Variants in BAIAP2 observed in about 807,000 individuals in gnomAD.
BAIAP2 encodes the protein BAR/IMD domain-containing adapter protein 2.
In BAIAP2, 18 loss-of-function variants were observed where a neutral mutation model predicts 63.0. The observed-to-expected ratio is 0.29, with a 90% CI of 0.20 to 0.42. The LOEUF is 0.42. Among genes scored for constraint, BAIAP2 ranks in the 10% least tolerant of loss-of-function variants. BAIAP2 has a pLI of 1.00. For missense variants in BAIAP2, 610 were observed against 734.3 expected (o/e 0.83, Z 1.96); for synonymous variants, 386 against 307.6 (o/e 1.25, Z -2.67).
chr17:81,098,423 T>G (rs1221659362), intron 6 of BAIAP2, among the ~76,000 whole-genome samples: 3 of 151,906 alleles, frequency 2.0e-5, no homozygotes, highest in Non-Finnish European at 4.4e-5. Flanking sequence ...TTTTAAAGTT[T>G]TTTTTTTTTA....
chr17:81,091,049 C>A (rs1052856504), intron 6 of BAIAP2, among the ~76,000 whole-genome samples: 1 of 96,136 alleles, frequency 1.0e-5, no homozygotes, highest in Admixed American at 1.4e-4. Context: ...TTCCACCCCG[C>A]CCCCACTTGT....
chr17:81,067,710 T>TGC (rs1568106786), intron 3 of BAIAP2, among the ~76,000 whole-genome samples: 1 of 152,220 alleles, frequency 6.6e-6, no homozygotes, highest in Non-Finnish European at 1.5e-5. Flanking sequence ...GCGTTGCTGC[T>TGC]GCTCCCTTTG....
At chr17:81,048,085 G>C (rs549698132) in intron 1 of BAIAP2, among the ~76,000 whole-genome samples, 1 of 152,234 alleles carries the variant, frequency 6.6e-6, no homozygotes, top group South Asian at 2.1e-4. Context: ...GGAGAGCCAA[G>C]GGATAAACAG....
rs573725200 is a variant in BAIAP2 at position 81,035,254 on chromosome 17, C to G, written c.-1C>G. On this transcript the variant is annotated 5_prime_UTR_variant, in exon 1 of 14. Coordinates refer to ENST00000428708, the MANE Select transcript of BAIAP2 (RefSeq NM_001144888.2). ...CTGTGGTGCAGCCGGGACCCAGGAC[C>G]ATGTCTCTGTCTCGCTCAGAGGAGA... 66 of 1,521,942 alleles carry G rather than the reference C, an allele frequency of 4.3e-5. No homozygotes were observed. The highest frequency in any genetic ancestry group is 1.8e-4 in the Middle Eastern group (1 of 5,704). The allele number at this position is 1,521,942 out of a possible 1,614,324, so 94.3% of individuals were successfully genotyped here.
intron 6 of BAIAP2, among the ~76,000 whole-genome samples, chr17:81,090,756 C>T (rs1050380690): frequency 3.4e-5 from 5 of 149,058 alleles, no homozygotes; most frequent in East Asian, 4.0e-4. Context: ...GGGGAGGCTG[C>T]GGCCACCATC....
intron 3 of BAIAP2, among the ~76,000 whole-genome samples, chr17:81,080,414 C>T (rs1281358606): frequency 6.6e-6 from 1 of 152,258 alleles, no homozygotes; most frequent in Non-Finnish European, 1.5e-5. Context: ...TGCAGCTTTG[C>T]CTGGACCTCC....
At chr17:81,067,951 G>C (rs911505716) in intron 3 of BAIAP2, among the ~76,000 whole-genome samples, 2 of 152,230 alleles carry the variant, frequency 1.3e-5, no homozygotes, top group African/African-American at 4.8e-5. Flanking sequence ...GCCAGGAGCT[G>C]CTGAGGTGCT....
chr17:81,067,024 G>A (rs192619622), intron 3 of BAIAP2, among the ~76,000 whole-genome samples: 107 of 152,342 alleles, frequency 7.0e-4, no homozygotes, highest in Admixed American at 6.7e-3. Context: ...GGCCTGACAC[G>A]GAGGTCCCTG....
chr17:81,072,005 C>T (rs2052764455), intron 3 of BAIAP2, among the ~76,000 whole-genome samples: 1 of 152,252 alleles, frequency 6.6e-6, no homozygotes, highest in Non-Finnish European at 1.5e-5. Flanking sequence ...CTTCCGGCCT[C>T]CCCGGCCTTC....
At chr17:81,035,854 C>G (rs1333870480) in intron 1 of BAIAP2, 1 of 152,108 alleles carries the variant, frequency 6.6e-6, no homozygotes, top group Admixed American at 6.5e-5. Context: ...AACAGGCTTT[C>G]CCTTCCCACA....
Position 81,046,974 on chromosome 17 carries a change from C to G in BAIAP2, c.55-6694C>G, listed in dbSNP as rs2047907326. ...TGCCACCGGCTTCTGCCTGTCGCGACAGAGGTGGAAGTGAGGGCGGTGGTC... is the reference window on the plus strand; with the variant it reads ...TGCCACCGGCTTCTGCCTGTCGCGAGAGAGGTGGAAGTGAGGGCGGTGGTC... On this transcript the variant is annotated intron_variant, in intron 1 of 13. Coordinates refer to ENST00000428708, the MANE Select transcript of BAIAP2 (RefSeq NM_001144888.2). The surrounding 1 kb of genome is among the most constrained non-coding windows in gnomAD (Gnocchi z 4.5). Among the ~76,000 whole-genome samples the G allele has an allele frequency of 6.6e-6, 1 of 152,204 alleles. No homozygotes were observed. Among genetic ancestry groups the G allele is most frequent in the Non-Finnish European group, 1.5e-5 (1 of 68,036 alleles).
chr17:81,035,653 C>T (rs930997885), intron 1 of BAIAP2, among the ~76,000 whole-genome samples: 1 of 151,436 alleles, frequency 6.6e-6, no homozygotes, highest in African/African-American at 2.4e-5. Flanking sequence ...GAGCCGCGCG[C>T]CGGGCCCCGG....
chr17:81,111,259 C>A (rs180671224), intron 13 of BAIAP2, among the ~76,000 whole-genome samples: 13 of 152,266 alleles, frequency 8.5e-5, no homozygotes, highest in Non-Finnish European at 2.9e-5. Context: ...TCCTGCCCTG[C>A]TGGGCGCTTC....
chr17:81,085,864 T>C (rs1043594012), intron 5 of BAIAP2, 139 bp downstream of exon 5: 11 of 677,786 alleles, frequency 1.6e-5, no homozygotes, highest in Admixed American at 2.6e-5. Flanking sequence ...TCTGACTTTA[T>C]TGTCCATTTG....
At chr17:81,053,388 C>T (rs2048977542) in intron 1 of BAIAP2, 1 of 470,084 alleles carries the variant, frequency 2.1e-6, no homozygotes, top group Non-Finnish European at 3.9e-6. Context: ...CTGCACCATG[C>T]AAATGCGCTC....
intron 13 of BAIAP2, among the ~76,000 whole-genome samples, chr17:81,111,394 G>A (rs956692660): frequency 1.3e-5 from 2 of 152,214 alleles, no homozygotes; most frequent in Non-Finnish European, 2.9e-5. Context: ...TGTGGGGACT[G>A]GAGGTCAGGG....
chr17:81,104,859 G>A (rs2058934377), intron 10 of BAIAP2, 144 bp downstream of exon 10: 2 of 886,332 alleles, frequency 2.3e-6, no homozygotes, highest in Non-Finnish European at 3.4e-6. Context: ...TGGGCAGTGA[G>A]AGCAAGCGTG....
intron 1 of BAIAP2, chr17:81,036,766 C>A: frequency 9.3e-7 from 1 of 1,073,756 alleles, no homozygotes; most frequent in Non-Finnish European, 1.4e-6. Context: ...GCATACGGTT[C>A]TGGCCTTGTT....
At chr17:81,077,685 G>A (rs1200149703) in intron 3 of BAIAP2, among the ~76,000 whole-genome samples, 1 of 152,286 alleles carries the variant, frequency 6.6e-6, no homozygotes, top group Non-Finnish European at 1.5e-5. Context: ...GAGGCTGGTG[G>A]TGCTGAGTAT....
Sources: allele counts gnomAD v4.1 joint callset (sites outside exome capture counted in the v4.1 genomes callset), GRCh38; gene constraint gnomAD v4.1.1; non-coding constraint Gnocchi (gnomAD v3.1); transcripts MANE v1.5; gene names NCBI Gene and HGNC (gene_info 2026-07-23, HGNC 2026-07-21).